SPINK6: variants seen among roughly 807,000 people sequenced by gnomAD.
SPINK6 encodes the protein serine protease inhibitor Kazal-type 6.
Under a neutral mutation model 11.7 loss-of-function variants are expected in SPINK6, and 13 were observed. The observed-to-expected ratio is 1.11, with a 90% CI of 0.72 to 1.76. SPINK6 has a LOEUF of 1.76. Ranked by LOEUF, SPINK6 falls within the 40% of genes most tolerant of loss-of-function variation. SPINK6 has a pLI of 0.00. For synonymous variants in SPINK6, 21 were observed against 31.9 expected, an observed-to-expected ratio of 0.66 and a Z score of 1.15; for missense variants, 98 against 93.7, an observed-to-expected ratio of 1.05 and a Z score of -0.19.
At chr5:148,202,963 G>A (rs1755451632), upstream of SPINK6, 4 of 558,032 alleles carry the variant, frequency 7.2e-6, no homozygotes, top group East Asian at 2.9e-5. Context: ...TAATGTGTTG[G>A]CAGGCCCCAT....
intron 2 of SPINK6, among the ~76,000 whole-genome samples, chr5:148,210,077 T>C (rs988416805): frequency 2.5e-5 from 3 of 119,124 alleles, no homozygotes; most frequent in Non-Finnish European, 3.9e-5. Context: ...TGTATGCATA[T>C]ATGTATGCAT....
intron 2 of SPINK6, among the ~76,000 whole-genome samples, chr5:148,210,894 T>C (rs1219964022): frequency 3.3e-5 from 5 of 152,090 alleles, no homozygotes; most frequent in Non-Finnish European, 7.4e-5. Context: ...TGGTAGCAAT[T>C]AGGACAACAG....
chr5:148,210,559 G>A (rs1755584582), intron 2 of SPINK6, among the ~76,000 whole-genome samples: 1 of 151,578 alleles, frequency 6.6e-6, no homozygotes. Context: ...AAAATATTCT[G>A]GGATTTTTCA....
chr5:148,213,820 G>T, intron 2 of SPINK6, 90 bp from the exon 3 acceptor site: 1 of 677,552 alleles, frequency 1.5e-6, no homozygotes. Context: ...TTTATATATG[G>T]TTTTTAAAGT....
chr5:148,203,572 T>C (rs1165295494), intron 1 of SPINK6, among the ~76,000 whole-genome samples: 1 of 152,216 alleles, frequency 6.6e-6, no homozygotes, highest in Non-Finnish European at 1.5e-5. Context: ...GGAGGATGGA[T>C]AATTGCATTA....
intron 2 of SPINK6, among the ~76,000 whole-genome samples, chr5:148,213,190 T>C (rs1204332109): frequency 6.6e-6 from 1 of 151,818 alleles, no homozygotes; most frequent in Non-Finnish European, 1.5e-5. Flanking sequence ...GTAAGGTTCA[T>C]CCATGTTTTT....
chr5:148,214,774 T>C, intron 3 of SPINK6, 131 bp from the exon 4 acceptor site: 1 of 708,144 alleles, frequency 1.4e-6, no homozygotes, highest in Non-Finnish European at 2.3e-6. Context: ...TAACATCTTC[T>C]GAATCATATA....
At chr5:148,211,126 T>G (rs1755592167) in intron 2 of SPINK6, among the ~76,000 whole-genome samples, 1 of 148,766 alleles carries the variant, frequency 6.7e-6, no homozygotes, top group Non-Finnish European at 1.5e-5. Context: ...ATTTGCACCT[T>G]CTCCAACCCC....
chr5:148,207,008 AATG>A (rs1755507689), intron 2 of SPINK6, among the ~76,000 whole-genome samples: 1 of 119,714 alleles, frequency 8.4e-6, no homozygotes, highest in South Asian at 3.3e-4. Context: ...GCATCTTACA[AATG>A]ATGATGCATT....
Position 148,209,997 on chromosome 5 carries a change from C to CACGTACATAT in SPINK6, c.82-3913_82-3912insACGTACATAT, listed in dbSNP as rs1561732192. On this transcript the variant is annotated intron_variant, in intron 2 of 3. Coordinates refer to ENST00000325630, the MANE Select transcript of SPINK6 (RefSeq NM_205841.4). ...GTACGTATGTATGTATACATATACA[C>CACGTACATAT]GTATGTATACATGTATGTACGCATG... 2.7e-5 allele frequency among the ~76,000 whole-genome samples: 4 copies of CACGTACATAT among 145,992 alleles called. 1 individual carries two copies. The highest frequency in any genetic ancestry group is 2.2e-4 in the South Asian group (1 of 4,540).
chr5:148,206,588 T>C (rs1041964658), intron 2 of SPINK6, among the ~76,000 whole-genome samples: 2 of 152,242 alleles, frequency 1.3e-5, no homozygotes, highest in Non-Finnish European at 2.9e-5. Context: ...ACTAGTTTAC[T>C]GCTCTGTAAT....
At chr5:148,205,917 G>A (rs566398094) in intron 1 of SPINK6, 119 bp from the exon 2 acceptor site, 264 of 1,012,290 alleles carry the variant, frequency 2.6e-4, no homozygotes, top group Non-Finnish European at 3.3e-4. Flanking sequence ...AAAAAAATAC[G>A]ATGACTTTTT....
rs1230083034 is a variant in SPINK6 at position 148,209,997 on chromosome 5, C to T, written c.82-3913C>T. On this transcript the variant is annotated intron_variant, in intron 2 of 3. Transcript: ENST00000325630. ...GTACGTATGTATGTATACATATACA[C>T]GTATGTATACATGTATGTACGCATG... 3.4e-5 allele frequency among the ~76,000 whole-genome samples: 5 copies of T among 145,984 alleles called. 1 individual carries two copies. Among genetic ancestry groups the T allele is most frequent in the South Asian group, 4.4e-4 (2 of 4,540 alleles).
At chr5:148,210,007 C>CATACACACGTACGGATGT (rs1554112271) in intron 2 of SPINK6, among the ~76,000 whole-genome samples, 3 of 105,734 alleles carry the variant, frequency 2.8e-5, no homozygotes, top group Non-Finnish European at 5.5e-5. Flanking sequence ...CGTATGTATA[C>CATACACACGTACGGATGT]ATGTATGTAC....
At chr5:148,212,255 A>G (rs1264750224) in intron 2 of SPINK6, among the ~76,000 whole-genome samples, 10 of 151,684 alleles carry the variant, frequency 6.6e-5, no homozygotes, top group Non-Finnish European at 1.0e-4. Flanking sequence ...GCAACCTTAG[A>G]ATCATTTTAA....
intron 2 of SPINK6, among the ~76,000 whole-genome samples, chr5:148,210,177 C>T (rs551942284): frequency 0.017 from 383 of 21,988 alleles, 18 homozygotes; most frequent in African/African-American, 0.023. Context: ...TGTATTTCTG[C>T]ATGCATATGT....
upstream of SPINK6, chr5:148,202,941 G>GA: frequency 2.1e-6 from 1 of 483,070 alleles, no homozygotes; most frequent in Non-Finnish European, 3.7e-6. Flanking sequence ...TGGGGAGCAT[G>GA]AAGCATTTTT....
In SPINK6 at chr5:148,213,792, T is replaced by C. The variant is rs1755645814; in HGVS notation, c.82-118T>C. ...AGGAGAGCTATTTTATATTTCAGAA[T>C]GCTTTATGTCACAACTATTTATATA... On this transcript the variant is annotated intron_variant, in intron 2 of 3. Coordinates refer to ENST00000325630, the MANE Select transcript of SPINK6 (RefSeq NM_205841.4). 8 of 603,940 alleles carry C rather than the reference T, an allele frequency of 1.3e-5. 1 individual carries two copies. The allele number at this position is 603,940 out of a possible 1,614,324, so 37.4% of individuals were successfully genotyped here.
chr5:148,206,092 G>A (rs376039800), intron 2 of SPINK6, 34 bp downstream of exon 2: 37 of 1,613,414 alleles, frequency 2.3e-5, no homozygotes, highest in Non-Finnish European at 3.1e-5. Context: ...CTTTCTGCCT[G>A]GGTGGTGCTT....
Sources: gnomAD v4.1 joint callset for allele counts (sites outside exome capture counted in the v4.1 genomes callset) on GRCh38, gnomAD v4.1.1 for gene constraint, MANE v1.5 for transcripts, NCBI Gene and HGNC (gene_info 2026-07-23, HGNC 2026-07-21) for gene names.